The following FAM227B variants were observed in gnomAD, a reference collection of about 807,000 sequenced individuals.
FAM227B encodes protein FAM227B.
A neutral mutation model predicts 73.8 loss-of-function variants in FAM227B; 88 were observed. That is an observed-to-expected ratio of 1.19 (90% CI 1.00 to 1.42). FAM227B has a LOEUF of 1.42. Ranked by LOEUF, FAM227B falls within the 40% of genes most tolerant of loss-of-function variation. FAM227B has a pLI of 0.00. For synonymous variants in FAM227B, 210 were observed against 190.5 expected (o/e 1.10, Z -0.84); for missense variants, 632 against 590.9 (o/e 1.07, Z -0.72).
chr15:49,346,681 AGT>A (rs1242008834), intron 13 of FAM227B, among the ~76,000 whole-genome samples: 16 of 152,232 alleles, frequency 1.1e-4, no homozygotes, highest in African/African-American at 3.9e-4. Context: ...TTATCCTCAG[AGT>A]TGTTTCTGAG....
intron 11 of FAM227B, among the ~76,000 whole-genome samples, chr15:49,472,414 CT>C (rs1450216828): frequency 6.6e-6 from 1 of 152,080 alleles, no homozygotes; most frequent in East Asian, 1.9e-4. Flanking sequence ...TGCTGGGTAC[CT>C]TTTATGGAAG....
intron 13 of FAM227B, among the ~76,000 whole-genome samples, chr15:49,338,266 A>G (rs945984186): frequency 1.1e-4 from 17 of 152,038 alleles, no homozygotes; most frequent in Non-Finnish European, 1.8e-4. Flanking sequence ...AGTGCCTGGT[A>G]CCGGTTGTTC....
chr15:49,444,746 C>A (rs1196825198), intron 11 of FAM227B, among the ~76,000 whole-genome samples: 1 of 151,624 alleles, frequency 6.6e-6, no homozygotes, highest in Non-Finnish European at 1.5e-5. Context: ...TTGCAAATAT[C>A]TCCAGCTTTT....
intron 10 of FAM227B, among the ~76,000 whole-genome samples, chr15:49,509,162 G>C (rs141880806): frequency 0.017 from 2,530 of 152,250 alleles, 32 homozygotes; most frequent in Middle Eastern, 0.037. Context: ...ATTTGGGCAG[G>C]TGGATAGTGA....
intron 11 of FAM227B, among the ~76,000 whole-genome samples, chr15:49,474,827 G>A (rs1195974473): frequency 6.6e-6 from 1 of 152,066 alleles, no homozygotes; most frequent in Non-Finnish European, 1.5e-5. Context: ...TGCTCCGTAC[G>A]AAAATCTCAC....
intron 11 of FAM227B, among the ~76,000 whole-genome samples, chr15:49,473,382 G>C (rs1314242836): frequency 1.3e-5 from 2 of 152,066 alleles, no homozygotes; most frequent in African/African-American, 2.4e-5. Context: ...TAAGTTATTA[G>C]AAGCATAAAA....
Position 49,327,975 on chromosome 15 carries a change from G to A in FAM227B, c.*593C>T, listed in dbSNP as rs1266134935. The stretch of plus-strand genomic sequence containing the variant: ...AGGAAGTTTGGGGCTCAAGGGTCAC[G>A]ACTTACTGGAGCAGGATGGGGAGGC... On this transcript the variant is annotated 3_prime_UTR_variant, in exon 16 of 16. Transcript: ENST00000299338. 3.1e-6 allele frequency: 5 copies of A among 1,613,378 alleles called. No individual in the cohort carries two copies. In the East Asian group the frequency reaches 6.7e-5, roughly 22 times the overall value.
At chr15:49,332,099 A>C (rs1366586924) in intron 14 of FAM227B, among the ~76,000 whole-genome samples, 42 of 143,418 alleles carry the variant, frequency 2.9e-4, no homozygotes, top group Non-Finnish European at 5.4e-4. Context: ...ACACACACAC[A>C]CACACACACA....
intron 10 of FAM227B, among the ~76,000 whole-genome samples, chr15:49,522,747 G>T (rs1410051651): frequency 6.6e-6 from 1 of 151,834 alleles, no homozygotes; most frequent in Admixed American, 6.6e-5. Context: ...AAAAAAGAAA[G>T]AATTTTTTAA....
At chr15:49,354,213 A>G (rs1438347573) in intron 13 of FAM227B, among the ~76,000 whole-genome samples, 2 of 152,170 alleles carry the variant, frequency 1.3e-5, no homozygotes, top group Non-Finnish European at 2.9e-5. Context: ...CACTATTTAC[A>G]TGTTTAAAAA....
intron 9 of FAM227B, among the ~76,000 whole-genome samples, chr15:49,543,312 G>C (rs996840313): frequency 6.6e-6 from 1 of 151,992 alleles, no homozygotes; most frequent in Non-Finnish European, 1.5e-5. Context: ...ATCTTCTTTT[G>C]AGAACTGTCT....
intron 15 of FAM227B, chr15:49,329,120 C>A (rs2038093561): frequency 1.0e-6 from 1 of 993,156 alleles, no homozygotes; most frequent in Non-Finnish European, 1.2e-6. Flanking sequence ...TCTAGCAAAG[C>A]TTGTTTGTAT....
chr15:49,611,626 T>A (rs560529522), intron 2 of FAM227B, among the ~76,000 whole-genome samples: 1 of 152,340 alleles, frequency 6.6e-6, no homozygotes, highest in East Asian at 1.9e-4. Flanking sequence ...AAAAATATAA[T>A]ATGTTCTTGC....
At chr15:49,421,115 A>C (rs1597076057) in intron 11 of FAM227B, among the ~76,000 whole-genome samples, 1 of 152,262 alleles carries the variant, frequency 6.6e-6, no homozygotes, top group South Asian at 2.1e-4. Context: ...CTATCACTAT[A>C]GGTCTATTAA....
At chr15:49,488,048 A>C (rs1047097041) in intron 11 of FAM227B, 4 of 152,122 alleles carry the variant, frequency 2.6e-5, no homozygotes, top group African/African-American at 9.6e-5. Context: ...AATATTTAAC[A>C]GTCAGTATGG....
At chr15:49,425,876 T>C (rs1009148591) in intron 11 of FAM227B, among the ~76,000 whole-genome samples, 6 of 151,804 alleles carry the variant, frequency 4.0e-5, no homozygotes, top group African/African-American at 1.4e-4. Flanking sequence ...ATTCTTATTA[T>C]ACTAAAGTTT....
chr15:49,572,037 A>G (rs2075141549), intron 8 of FAM227B, among the ~76,000 whole-genome samples: 1 of 152,014 alleles, frequency 6.6e-6, no homozygotes, highest in Non-Finnish European at 1.5e-5. Context: ...TCAGTATTTT[A>G]TATTTCTAGT....
chr15:49,338,348 CT>C (rs1383611532), intron 13 of FAM227B, among the ~76,000 whole-genome samples: 79 of 152,238 alleles, frequency 5.2e-4, no homozygotes, highest in African/African-American at 1.9e-3. Context: ...TCAGCATTTC[CT>C]TGTCTGTAAA....
intron 11 of FAM227B, among the ~76,000 whole-genome samples, chr15:49,381,752 T>C (rs905400488): frequency 7.2e-5 from 11 of 152,194 alleles, no homozygotes; most frequent in African/African-American, 2.7e-4. Context: ...TTTTTGTTTT[T>C]ACACGTGATA....
Sources: gnomAD v4.1 joint callset for allele counts (sites outside exome capture counted in the v4.1 genomes callset) on GRCh38, gnomAD v4.1.1 for gene constraint, MANE v1.5 for transcripts, NCBI Gene and HGNC (gene_info 2026-07-23, HGNC 2026-07-21) for gene names.